Variants in IMMT observed in about 807,000 individuals in gnomAD.
IMMT encodes the protein inner membrane mitochondrial protein.
Under a neutral mutation model 92.7 loss-of-function variants are expected in IMMT, and 40 were observed. The ratio of observed to expected loss-of-function variants is 0.43; its 90% confidence interval spans 0.34 to 0.56. The LOEUF (loss-of-function observed/expected upper bound fraction) is 0.56. Ranked by LOEUF, IMMT falls within the 20% of genes least tolerant of loss-of-function variation. The probability of loss-of-function intolerance (pLI) is 0.03; values close to 1 mark genes in which losing one functional copy is unlikely to be tolerated. For missense variants in IMMT, 831 were observed against 912.1 expected (o/e 0.91, Z 1.14); for synonymous variants, 322 against 336.1 (o/e 0.96, Z 0.46).
Position 86,159,833 on chromosome 2 carries a change from C to A in IMMT, c.897-162G>T. On this transcript the variant is annotated intron_variant, in intron 8 of 14. Transcript: ENST00000410111. ...ACTTTGGAGGCCAAGGCAGGAGGAT[C>A]ACTTGAGCCCAGGAGTTCAAGACCA... 3.8e-5 allele frequency: 17 copies of A among 450,872 alleles called. No homozygotes were observed. The South Asian group carries it at 4.5e-4, about 12-fold the overall frequency. 27.9% of individuals were successfully genotyped at this position (450,872 alleles called of 1,614,324 possible). A position where few individuals can be genotyped will look rare whatever the true frequency, so the allele number is the denominator to read the frequency against.
chr2:86,162,267 A>G (rs1345300728), intron 7 of IMMT, among the ~76,000 whole-genome samples, 188 bp from the exon 8 acceptor site: 2 of 150,544 alleles, frequency 1.3e-5, no homozygotes, highest in African/African-American at 4.9e-5. Flanking sequence ...ATCTGCCCAC[A>G]TCGGCCCCTC....
At chr2:86,167,329 G>T (rs928264525) in intron 6 of IMMT, among the ~76,000 whole-genome samples, 3 of 148,282 alleles carry the variant, frequency 2.0e-5, no homozygotes, top group Admixed American at 1.3e-4. Context: ...ATACCACCAC[G>T]CCCAGCTAAT....
intron 12 of IMMT, among the ~76,000 whole-genome samples, chr2:86,150,884 C>T (rs1451782385): frequency 2.0e-5 from 3 of 151,824 alleles, no homozygotes; most frequent in African/African-American, 7.3e-5. Context: ...GCTGGCATGA[C>T]TTATATTCAA....
chr2:86,144,672 C>A lies in IMMT; in HGVS notation c.1873G>T (p.Val625Leu), dbSNP rs971145374. The A allele has an allele frequency of 1.2e-6, 2 of 1,613,842 alleles. No individual in the cohort carries two copies. The highest frequency in any genetic ancestry group is 1.3e-5 in the African/African-American group (1 of 74,894). The change falls in exon 15 of 15, where the codon GTG (valine) becomes TTG (leucine). Residue 625 changes from valine (V) to leucine (L), a missense_variant. By Grantham distance (32) the Val-to-Leu change is conservative. Coordinates refer to ENST00000410111, the MANE Select transcript of IMMT (RefSeq NM_006839.3). Reference sequence around the variant, plus strand: ...GCTCTAAGGGTCTCTTCACTGTACACCCCACGGGTCAGGGACTCTGGAGGG... The same window carrying A: ...GCTCTAAGGGTCTCTTCACTGTACAACCCACGGGTCAGGGACTCTGGAGGG... Reference protein sequence around the residue: ...AIPPESLTRGVYSEETLRARF... With the variant: ...AIPPESLTRGLYSEETLRARF...
At chr2:86,167,234 C>A (rs1163867571) in intron 6 of IMMT, among the ~76,000 whole-genome samples, 1 of 138,148 alleles carries the variant, frequency 7.2e-6, no homozygotes, top group African/African-American at 2.7e-5. Flanking sequence ...TGCAGTGGCG[C>A]GATCTCGGCT....
At chr2:86,150,348 G>T (rs528245564) in intron 12 of IMMT, among the ~76,000 whole-genome samples, 65 of 152,302 alleles carry the variant, frequency 4.3e-4, no homozygotes, top group African/African-American at 1.5e-3. Context: ...TGGAGAAAAC[G>T]TTTCAGAACT....
rs1342588817 is a variant in IMMT at position 86,179,439 on chromosome 2, C to A, written c.303G>T (p.Lys101Asn). The change falls in exon 3 of 15, where the codon AAG becomes AAT. Residue 101 changes from lysine to asparagine, a missense_variant. Physicochemically the swap from Lys to Asn is moderately conservative, Grantham distance 94. Coordinates refer to ENST00000410111, the MANE Select transcript of IMMT (RefSeq NM_006839.3). ...TATTGTTTAAAACTCTTACCGATTTCTTTGGCAATGGAACATTATAAGCTG... is the reference window on the plus strand; with the variant it reads ...TATTGTTTAAAACTCTTACCGATTTATTTGGCAATGGAACATTATAAGCTG... ...GPAAYNVPLP[K>N]KSIQSGPLKI... The A allele has an allele frequency of 1.2e-5, 19 of 1,581,500 alleles. No individual in the cohort carries two copies. The highest frequency in any genetic ancestry group is 5.9e-5 in the South Asian group (5 of 85,228).
Position 86,181,316 on chromosome 2 carries a change from A to G in IMMT, c.102T>C (p.Ser34=). 6.2e-6 allele frequency: 10 copies of G among 1,613,716 alleles called. No individual in the cohort carries two copies. The highest frequency in any genetic ancestry group is 8.5e-6 in the Non-Finnish European group (10 of 1,179,596). ...LRPLRPCRRY[S]TSGSSGLTTG... is the part of the protein sequence containing the mutation. Reference sequence around the variant, plus strand: ...ATACATACCCAGAGCTGCCTGAAGTAGAGTATCTGCGGCATGGTCGCAATG... The same window carrying G: ...ATACATACCCAGAGCTGCCTGAAGTGGAGTATCTGCGGCATGGTCGCAATG... The change falls in exon 2 of 15, where the codon TCT becomes TCC. Residue 34 remains serine, a synonymous_variant. Transcript: ENST00000410111.
chr2:86,179,176 A>T (rs1161284069), intron 3 of IMMT, among the ~76,000 whole-genome samples: 1 of 152,236 alleles, frequency 6.6e-6, no homozygotes, highest in Non-Finnish European at 1.5e-5. Flanking sequence ...GAAAATTTAG[A>T]CAGCATTTAC....
chr2:86,149,707 G>C (rs747901623), intron 12 of IMMT, among the ~76,000 whole-genome samples: 3 of 151,900 alleles, frequency 2.0e-5, no homozygotes, highest in Non-Finnish European at 2.9e-5. Context: ...GCAAAACCCC[G>C]TCTCTACTAA....
chr2:86,155,094 C>T (rs1675760493), intron 10 of IMMT, among the ~76,000 whole-genome samples: 3 of 152,106 alleles, frequency 2.0e-5, no homozygotes, highest in Admixed American at 1.3e-4. Flanking sequence ...AACGCCTAAC[C>T]TCAGGCAATC....
In IMMT at chr2:86,171,284, A is replaced by G. The variant is rs1170658682; in HGVS notation, c.483T>C (p.Pro161=). The part of the protein sequence containing the change: ...AAGDTLSVPA[P]AVQPEESLKT... ...TTAAAGATTCCTCAGGCTGAACTGC[A>G]GGGGCTGGGACCGACAGGGTATCAC... is the stretch of plus-strand genomic sequence containing the variant. Residue 161 remains proline, a synonymous_variant, in exon 5 of 15, where the codon CCT becomes CCC. Transcript: ENST00000410111. The G allele has an allele frequency of 1.2e-5, 20 of 1,610,124 alleles. No homozygotes were observed. Among genetic ancestry groups the G allele is most frequent in the Non-Finnish European group, 1.5e-5 (18 of 1,177,804 alleles).
intron 1 of IMMT, among the ~76,000 whole-genome samples, chr2:86,184,111 T>C (rs1672600494): frequency 1.3e-5 from 2 of 152,208 alleles, no homozygotes; most frequent in African/African-American, 4.8e-5. Context: ...TATCATTTTT[T>C]TTTCATCATT....
chr2:86,166,870 C>A (rs373301018), intron 6 of IMMT, among the ~76,000 whole-genome samples: 1 of 152,008 alleles, frequency 6.6e-6, no homozygotes, highest in South Asian at 2.1e-4. Flanking sequence ...GAGGCCGAGG[C>A]GGGCGTATCA....
chr2:86,193,311 G>GT (rs1253698238), intron 1 of IMMT, among the ~76,000 whole-genome samples: 3 of 151,412 alleles, frequency 2.0e-5, no homozygotes, highest in Non-Finnish European at 4.4e-5. Flanking sequence ...GGAGGCTGAG[G>GT]TAAGAGGATT....
intron 3 of IMMT, among the ~76,000 whole-genome samples, chr2:86,176,812 T>G (rs6720431): frequency 0.88 from 133,477 of 152,180 alleles, 58,926 homozygotes; most frequent in East Asian, 0.98. Flanking sequence ...AAAGAACACT[T>G]CTCTGAATTT....
chr2:86,170,770 G>C lies in IMMT; in HGVS notation c.634C>G (p.Gln212Glu), dbSNP rs779714239. 7 of 1,582,398 alleles carry C rather than the reference G, an allele frequency of 4.4e-6. No individual in the cohort carries two copies. The South Asian group carries it at 6.9e-5, about 16-fold the overall frequency. ...ATACACTCAATTTTAACTTGTTCTTGTTTTTCCTGTTGTGCAAGGCGAGCT... is the reference window on the plus strand; with the variant it reads ...ATACACTCAATTTTAACTTGTTCTTCTTTTTCCTGTTGTGCAAGGCGAGCT... ...VAARLAQQEKQEQVKIESLAK... is the reference protein window; with the variant it reads ...VAARLAQQEKEEQVKIESLAK... Residue 212 changes from glutamine (Q) to glutamate (E), a missense_variant, in exon 6 of 15, where the codon CAA (glutamine) becomes GAA (glutamate). Transcript: ENST00000410111.
chr2:86,181,315 T>C lies in IMMT; in HGVS notation c.103A>G (p.Thr35Ala). 6.2e-7 allele frequency: 1 copy of C among 1,613,680 alleles called. No homozygotes were observed. The highest frequency in any genetic ancestry group is 8.5e-7 in the Non-Finnish European group (1 of 1,179,624). Residue 35 changes from threonine to alanine, a missense_variant, in exon 2 of 15, where the codon ACT (threonine) becomes GCT (alanine). By Grantham distance (58) the Thr-to-Ala change is moderately conservative. Transcript: ENST00000410111. ...AATACATACCCAGAGCTGCCTGAAG[T>C]AGAGTATCTGCGGCATGGTCGCAAT... ...RPLRPCRRYSTSGSSGLTTGK... is the reference protein window; with the variant it reads ...RPLRPCRRYSASGSSGLTTGK...
intron 1 of IMMT, among the ~76,000 whole-genome samples, chr2:86,192,283 T>C (rs1417016431): frequency 1.3e-5 from 2 of 152,052 alleles, no homozygotes; most frequent in East Asian, 3.9e-4. Flanking sequence ...AGAATCTGAA[T>C]ATATAATCAG....
Sources: allele counts gnomAD v4.1 joint callset (sites outside exome capture counted in the v4.1 genomes callset), GRCh38; gene constraint gnomAD v4.1.1; transcripts MANE v1.5; gene names NCBI Gene and HGNC (gene_info 2026-07-23, HGNC 2026-07-21).